PIGU: variants seen among roughly 807,000 people sequenced by gnomAD.
The protein encoded by PIGU is GPI-anchor transamidase component PIGU.
Under a neutral mutation model 49.9 loss-of-function variants are expected in PIGU, and 24 were observed. The ratio of observed to expected loss-of-function variants is 0.48; its 90% CI spans 0.35 to 0.68. The LOEUF is 0.68. Among genes scored for constraint, PIGU ranks in the 30% least tolerant of loss-of-function variants. The pLI, the probability that PIGU is intolerant of heterozygous loss-of-function variation, is 0.01. For missense variants in PIGU, 490 were observed against 532.6 expected, an observed-to-expected ratio of 0.92 and a Z score of 0.79; for synonymous variants, 220 against 205.7, an observed-to-expected ratio of 1.07 and a Z score of -0.59.
In PIGU at chr20:34,581,659, A is replaced by C. The variant is rs772082138; in HGVS notation, c.940T>G (p.Phe314Val). The part of the protein sequence containing the change: ...LAIKLKEHPI[F>V]FMFIQIAVIA... The stretch of plus-strand genomic sequence containing the variant: ...ACAGCGATCTGGATAAACATGAAGA[A>C]GATGGGGTGCTCCCTGGGGCAGGGC... The change falls in exon 10 of 12, where the codon TTC becomes GTC. Residue 314 changes from phenylalanine (F) to valine (V), a missense_variant. Phe to Val is a conservative substitution (Grantham distance 50). Transcript: ENST00000217446. 5.0e-6 allele frequency: 8 copies of C among 1,612,878 alleles called. No homozygotes were observed. Among genetic ancestry groups the C allele is most frequent in the Non-Finnish European group, 5.9e-6 (7 of 1,179,776 alleles).
intron 6 of PIGU, among the ~76,000 whole-genome samples, chr20:34,626,583 C>A (rs970412294): frequency 2.0e-5 from 3 of 152,040 alleles, no homozygotes; most frequent in African/African-American, 7.2e-5. Flanking sequence ...GAATTACAGG[C>A]GTGAGCCACC....
chr20:34,652,632 C>G (rs896942325), intron 2 of PIGU, among the ~76,000 whole-genome samples: 1 of 152,142 alleles, frequency 6.6e-6, no homozygotes, highest in African/African-American at 2.4e-5. Context: ...TTAGTGACAT[C>G]CCACATATTT....
chr20:34,595,044 C>T (rs1323550888), intron 7 of PIGU, among the ~76,000 whole-genome samples: 2 of 136,532 alleles, frequency 1.5e-5, no homozygotes, highest in Admixed American at 1.7e-4. Flanking sequence ...TGCAGTGAGC[C>T]GAGATCGCGC....
intron 1 of PIGU, among the ~76,000 whole-genome samples, chr20:34,659,353 G>A (rs1986852870): frequency 3.5e-5 from 5 of 142,206 alleles, no homozygotes; most frequent in East Asian, 2.2e-4. Context: ...GGTGAGGGGC[G>A]CCTCTGCCCG....
intron 7 of PIGU, among the ~76,000 whole-genome samples, chr20:34,605,614 T>A (rs1343792456): frequency 6.6e-6 from 1 of 152,196 alleles, no homozygotes; most frequent in African/African-American, 2.4e-5. Flanking sequence ...TATTATATTA[T>A]CCCTGTGGAA....
chr20:34,648,382 T>C (rs1290291286), intron 2 of PIGU, among the ~76,000 whole-genome samples: 1 of 152,212 alleles, frequency 6.6e-6, no homozygotes, highest in South Asian at 2.1e-4. Context: ...CTTTTTATCA[T>C]TATAAAATAA....
intron 7 of PIGU, among the ~76,000 whole-genome samples, chr20:34,594,879 T>A (rs1984131811): frequency 6.6e-6 from 1 of 151,526 alleles, no homozygotes; most frequent in Non-Finnish European, 1.5e-5. Flanking sequence ...GATCACGAGG[T>A]CAGGAGATCA....
intron 1 of PIGU, among the ~76,000 whole-genome samples, chr20:34,661,145 AG>A (rs1374963483): frequency 6.6e-6 from 1 of 152,160 alleles, no homozygotes; most frequent in Non-Finnish European, 1.5e-5. Context: ...AAAATATAAT[AG>A]GTTTTTTTGG....
At chr20:34,647,128 C>A (rs1212363351) in intron 2 of PIGU, among the ~76,000 whole-genome samples, 2 of 149,214 alleles carry the variant, frequency 1.3e-5, no homozygotes, top group Middle Eastern at 3.5e-3. Context: ...TCAGCCACCA[C>A]GCTGGGCTAA....
chr20:34,620,583 G>A (rs546529194), intron 6 of PIGU, among the ~76,000 whole-genome samples: 3 of 152,056 alleles, frequency 2.0e-5, no homozygotes, highest in East Asian at 3.9e-4. Flanking sequence ...AGGCTGAGGC[G>A]GGCGGATCAC....
intron 2 of PIGU, among the ~76,000 whole-genome samples, chr20:34,653,888 C>T (rs556120248): frequency 1.7e-4 from 25 of 151,138 alleles, no homozygotes; most frequent in African/African-American, 5.8e-4. Context: ...GACGGAGTCT[C>T]GCTCTGTCAC....
intron 6 of PIGU, among the ~76,000 whole-genome samples, chr20:34,621,588 T>C (rs1355791192): frequency 1.3e-5 from 2 of 151,374 alleles, no homozygotes; most frequent in Non-Finnish European, 2.9e-5. Flanking sequence ...AAAGTGAGGG[T>C]GAGTATGGAG....
chr20:34,569,569 G>A (rs1395166425), intron 11 of PIGU, among the ~76,000 whole-genome samples: 3 of 152,210 alleles, frequency 2.0e-5, no homozygotes, highest in Non-Finnish European at 2.9e-5. Context: ...GCAGGCAGAC[G>A]AGAAGTCTGC....
chr20:34,567,126 A>T (rs1183303321), intron 11 of PIGU, among the ~76,000 whole-genome samples: 1 of 152,212 alleles, frequency 6.6e-6, no homozygotes, highest in African/African-American at 2.4e-5. Flanking sequence ...GCTGGGGGGA[A>T]TGCATGTGGC....
rs529364516 is a variant in PIGU, at chr20:34,571,958, C to T, written c.1194+3146G>A. Among the ~76,000 whole-genome samples, 77 of 152,214 alleles carry T rather than the reference C, an allele frequency of 5.1e-4. 1 individual carries two copies. The highest frequency in any genetic ancestry group is 1.7e-3 in the African/African-American group (71 of 41,534). On this transcript the variant is annotated intron_variant, in intron 11 of 11. Transcript: ENST00000217446. ...GACCTGGCAGCAGCAGCAACAAAGT[C>T]GAAAGCCAGCAGCCCCAGGAAGTAC...
At chr20:34,634,754 A>C in intron 5 of PIGU, 39 bp from the exon 6 acceptor site, 2 of 1,600,220 alleles carry the variant, frequency 1.2e-6, no homozygotes, top group Non-Finnish European at 1.7e-6. Flanking sequence ...AGTAATCCTG[A>C]CCAAGGAGCC....
intron 1 of PIGU, among the ~76,000 whole-genome samples, chr20:34,672,855 TCAAAAAAAAAAA>T (rs1987351987): frequency 2.1e-5 from 2 of 95,302 alleles, no homozygotes; most frequent in African/African-American, 4.3e-5. Flanking sequence ...ACCCTGTCTC[TCAAAAAAAAAAA>T]AAAAAAAAAA....
At chr20:34,561,633 G>A (rs1255361668) in intron 11 of PIGU, among the ~76,000 whole-genome samples, 1 of 152,050 alleles carries the variant, frequency 6.6e-6, no homozygotes, top group Non-Finnish European at 1.5e-5. Flanking sequence ...CACATCTGAT[G>A]GTGTTACTTC....
chr20:34,649,581 C>A (rs1304160643), intron 2 of PIGU, among the ~76,000 whole-genome samples: 1 of 150,376 alleles, frequency 6.6e-6, no homozygotes, highest in Non-Finnish European at 1.5e-5. Flanking sequence ...AGTGCAGTGG[C>A]GTGATCTCGG....
Sources: gnomAD v4.1 joint callset for allele counts (sites outside exome capture counted in the v4.1 genomes callset) on GRCh38, gnomAD v4.1.1 for gene constraint, MANE v1.5 for transcripts, NCBI Gene and HGNC (gene_info 2026-07-23, HGNC 2026-07-21) for gene names.